UNC13C: variants seen among roughly 807,000 people sequenced by gnomAD.
UNC13C encodes the protein protein unc-13 homolog C.
UNC13C carries 174 observed loss-of-function variants against 245.4 expected under a neutral mutation model. That is an observed-to-expected ratio of 0.71 (90% CI 0.63 to 0.80). UNC13C has a LOEUF of 0.80. Ranked by LOEUF, UNC13C falls within the 30% of genes least tolerant of loss-of-function variation. The pLI is 0.00. For missense variants in UNC13C, 2,829 were observed against 2,602.9 expected (o/e 1.09, Z -1.89); for synonymous variants, 992 against 895.1 (o/e 1.11, Z -1.93).
At position 54,338,489 on chromosome 15, in the gene UNC13C, G is replaced by C; in HGVS notation, c.4713G>C (p.Pro1571=). ...AACTCTACTCCCAGCTAACAGACCC[G>C]GTAAGAAAATATGTATGTCTTTTAT... ...CHELYSQLTD[P]SKKQDIPRED... The change falls in exon 17 of 33, where the codon CCG becomes CCC. Residue 1571 remains proline, a splice_region_variant and synonymous_variant. Transcript: ENST00000260323. 2.5e-6 allele frequency: 4 copies of C among 1,611,970 alleles called. No homozygotes were observed. Among genetic ancestry groups the C allele is most frequent in the East Asian group, 2.2e-5 (1 of 44,856 alleles).
At chr15:54,298,135 A>G (rs2037484103) in intron 12 of UNC13C, among the ~76,000 whole-genome samples, 1 of 152,192 alleles carries the variant, frequency 6.6e-6, no homozygotes, top group African/African-American at 2.4e-5. Context: ...GAGAGTTTAG[A>G]ACAAGCCTGT....
chr15:54,049,726 A>G, intron 2 of UNC13C: 1 of 233,412 alleles, frequency 4.3e-6, no homozygotes, highest in South Asian at 5.7e-5. Context: ...GCATGTGATC[A>G]CCCAGTTTTA....
chr15:54,220,342 A>T (rs1411187839), intron 4 of UNC13C, among the ~76,000 whole-genome samples: 1 of 149,722 alleles, frequency 6.7e-6, no homozygotes, highest in Non-Finnish European at 1.5e-5. Flanking sequence ...AAACTATGGC[A>T]AGGACAAGGA....
the UNC13C span, among the ~76,000 whole-genome samples, chr15:53,960,380 G>A: frequency 2.0e-5 from 3 of 149,888 alleles, no homozygotes; most frequent in Non-Finnish European, 4.4e-5. Flanking sequence ...TTATAGGATC[G>A]TAAGAAAGGA....
chr15:54,074,142 C>T (rs368189568), intron 2 of UNC13C, among the ~76,000 whole-genome samples: 1 of 151,746 alleles, frequency 6.6e-6, no homozygotes. Context: ...GAGAATCTTT[C>T]CCCATTGCTT....
intron 30 of UNC13C, among the ~76,000 whole-genome samples, chr15:54,607,466 G>C (rs1899828197): frequency 6.6e-6 from 1 of 152,128 alleles, no homozygotes; most frequent in Admixed American, 6.5e-5. Flanking sequence ...TTGAATTTAG[G>C]AGATTGTTAG....
At chr15:53,926,513 C>T in the UNC13C span, among the ~76,000 whole-genome samples, 1 of 152,118 alleles carries the variant, frequency 6.6e-6, no homozygotes, top group Non-Finnish European at 1.5e-5. Flanking sequence ...GATAATGAAA[C>T]AGAAATATTT....
At chr15:54,053,335 A>C (rs2141058622) in intron 2 of UNC13C, among the ~76,000 whole-genome samples, 1 of 152,178 alleles carries the variant, frequency 6.6e-6, no homozygotes, top group South Asian at 2.1e-4. Flanking sequence ...CCCAGCCTAA[A>C]TTTTCTTATT....
chr15:53,967,511 A>G, the UNC13C span, among the ~76,000 whole-genome samples: 38 of 152,202 alleles, frequency 2.5e-4, no homozygotes, highest in East Asian at 7.1e-3. Flanking sequence ...AAAAGCAGAC[A>G]CCAGAAGGAT....
intron 2 of UNC13C, among the ~76,000 whole-genome samples, chr15:54,017,514 G>GTT (rs1248269698): frequency 6.7e-6 from 1 of 149,650 alleles, no homozygotes; most frequent in East Asian, 2.0e-4. Flanking sequence ...GTGTGTGTGT[G>GTT]GTTTGTATAT....
At chr15:54,248,628 T>C (rs535182665) in intron 7 of UNC13C, among the ~76,000 whole-genome samples, 1 of 151,528 alleles carries the variant, frequency 6.6e-6, no homozygotes, top group African/African-American at 2.4e-5. Flanking sequence ...TGAAAAGTGA[T>C]GGATCCAGTT....
At chr15:53,885,994 G>A in the UNC13C span, among the ~76,000 whole-genome samples, 11,155 of 152,226 alleles carry the variant, frequency 0.073, 478 homozygotes, top group South Asian at 0.16. Flanking sequence ...TGGGAACAAG[G>A]TTTCTGACTG....
At chr15:54,485,996 C>T (rs1893383573) in intron 19 of UNC13C, among the ~76,000 whole-genome samples, 1 of 152,112 alleles carries the variant, frequency 6.6e-6, no homozygotes, top group Non-Finnish European at 1.5e-5. Flanking sequence ...ACACATACCT[C>T]ACATTATACT....
chr15:53,938,114 T>C, the UNC13C span, among the ~76,000 whole-genome samples: 4 of 152,214 alleles, frequency 2.6e-5, no homozygotes, highest in Non-Finnish European at 4.4e-5. Flanking sequence ...CCAAGACCCA[T>C]TGGTATGCTG....
chr15:54,564,916 T>C (rs192646430), intron 29 of UNC13C, among the ~76,000 whole-genome samples: 154 of 152,082 alleles, frequency 1.0e-3, no homozygotes, highest in Non-Finnish European at 1.1e-3. Flanking sequence ...TAAAACTATG[T>C]CTGAATTATA....
chr15:54,080,501 T>C (rs1290651497), intron 2 of UNC13C, among the ~76,000 whole-genome samples: 2 of 152,056 alleles, frequency 1.3e-5, no homozygotes, highest in Admixed American at 1.3e-4. Context: ...TTCTATAACT[T>C]GTTATTAGTC....
chr15:54,534,658 C>T (rs566744452), intron 26 of UNC13C, among the ~76,000 whole-genome samples: 1 of 152,026 alleles, frequency 6.6e-6, no homozygotes, highest in Admixed American at 6.6e-5. Context: ...AGGAGAAAGT[C>T]AAAAGCCAAT....
rs1399810988 is a variant in UNC13C, at chr15:54,490,154, G to T, written c.4934-4454G>T. Among the ~76,000 whole-genome samples, 4 of 152,274 alleles carry T rather than the reference G, an allele frequency of 2.6e-5. No individual in the cohort carries two copies. In the East Asian group the frequency reaches 5.8e-4, roughly 22 times the overall value. ...GGAAACTATTAGTAATTTTTCTAAT[G>T]TTTTTTCCCAGCAAAGAGGCTGGTA... On this transcript the variant is annotated intron_variant, in intron 19 of 32. Coordinates refer to ENST00000260323, the MANE Select transcript of UNC13C (RefSeq NM_001080534.3).
intron 4 of UNC13C, among the ~76,000 whole-genome samples, chr15:54,203,497 T>C (rs1330337036): frequency 2.2e-5 from 3 of 139,468 alleles, no homozygotes; most frequent in Non-Finnish European, 4.5e-5. Flanking sequence ...TATATATATA[T>C]ATATATACAC....
Sources: gnomAD v4.1 joint callset for allele counts (sites outside exome capture counted in the v4.1 genomes callset) on GRCh38, gnomAD v4.1.1 for gene constraint, MANE v1.5 for transcripts, NCBI Gene and HGNC (gene_info 2026-07-23, HGNC 2026-07-21) for gene names.